The following KCNIP3 variants were observed in gnomAD, a reference collection of about 807,000 sequenced individuals.
KCNIP3 encodes potassium voltage-gated channel interacting protein 3.
Under a neutral mutation model 35.0 loss-of-function variants are expected in KCNIP3, and 28 were observed. The ratio of observed to expected loss-of-function variants is 0.80; its 90% CI spans 0.59 to 1.10. The LOEUF is 1.10. KCNIP3 is among the 50% of genes least tolerant of loss of function. The pLI is 0.00. For synonymous variants in KCNIP3, 134 were observed against 133.8 expected (o/e 1.00, Z -0.01); for missense variants, 295 against 338.4 (o/e 0.87, Z 1.01).
At chr2:95,379,134 A>G (rs559094359) in intron 5 of KCNIP3, among the ~76,000 whole-genome samples, 1 of 150,348 alleles carries the variant, frequency 6.7e-6, no homozygotes, top group South Asian at 2.1e-4. Context: ...CCAGCCCCCC[A>G]CCCATCCCCC....
At chr2:95,341,279 C>T (rs757454701) in intron 2 of KCNIP3, among the ~76,000 whole-genome samples, 39 of 152,300 alleles carry the variant, frequency 2.6e-4, no homozygotes, top group Non-Finnish European at 3.7e-4. Context: ...GCTCCTGCCA[C>T]GTGAGATGTG....
At chr2:95,354,573 C>T (rs1679607766) in intron 2 of KCNIP3, among the ~76,000 whole-genome samples, 2 of 152,102 alleles carry the variant, frequency 1.3e-5, no homozygotes, top group Admixed American at 1.3e-4. Flanking sequence ...CAGGGTCTGG[C>T]CCACTGCCCT....
chr2:95,322,070 G>A (rs889909238), intron 2 of KCNIP3, among the ~76,000 whole-genome samples: 1 of 152,072 alleles, frequency 6.6e-6, no homozygotes, highest in African/African-American at 2.4e-5. Context: ...ATGGCCATAA[G>A]AATAATGAGG....
At position 95,384,121 on chromosome 2, in the gene KCNIP3, C is replaced by T; in HGVS notation, c.*72C>T. On this transcript the variant is annotated 3_prime_UTR_variant, in exon 9 of 9. Coordinates refer to ENST00000295225, the MANE Select transcript of KCNIP3 (RefSeq NM_013434.5). The stretch of plus-strand genomic sequence containing the variant: ...AAACCTCCATCCTGCCAGGAGCAGC[C>T]TCCAAGAAACTTTTAAAAAATAGAT... 1 of 1,384,772 alleles carries T rather than the reference C, an allele frequency of 7.2e-7. No homozygotes were observed. Among genetic ancestry groups the T allele is most frequent in the South Asian group, 1.2e-5 (1 of 86,308 alleles). The allele number at this position is 1,384,772 out of a possible 1,614,324, so 85.8% of individuals were successfully genotyped here.
At chr2:95,343,888 C>T (rs1679279429) in intron 2 of KCNIP3, among the ~76,000 whole-genome samples, 1 of 151,990 alleles carries the variant, frequency 6.6e-6, no homozygotes, top group Admixed American at 6.6e-5. Context: ...TGGAGTGACC[C>T]CCCACCCCGA....
intron 2 of KCNIP3, among the ~76,000 whole-genome samples, chr2:95,353,681 G>A (rs1406464967): frequency 1.3e-5 from 2 of 152,170 alleles, no homozygotes; most frequent in Non-Finnish European, 2.9e-5. Context: ...GGGAGGGCAA[G>A]CAGAAGTGGG....
rs1480906022 is a variant in KCNIP3 at position 95,382,433 on chromosome 2, C to T, written c.612C>T (p.Pro204=). 6.2e-7 allele frequency: 1 copy of T among 1,609,958 alleles called. No individual in the cohort carries two copies. Among genetic ancestry groups the T allele is most frequent in the South Asian group, 1.1e-5 (1 of 90,704 alleles). The change falls in exon 7 of 9, where the codon CCC becomes CCT. Residue 204 remains proline (P), a synonymous_variant. Transcript: ENST00000295225. This position sits in a 1 kb window ranked among gnomAD's most constrained non-coding sequence, Gnocchi z 4.5. ...ACATGATGGGCCGCCACACCTACCC[C>T]ATCCTGCGGGAGGACGCGCCGGCGG... ...IYDMMGRHTY[P]ILREDAPAEH...
intron 2 of KCNIP3, among the ~76,000 whole-genome samples, chr2:95,356,331 G>A (rs551766605): frequency 1.2e-4 from 18 of 152,064 alleles, no homozygotes; most frequent in African/African-American, 2.2e-4. Context: ...TTATTTTGTC[G>A]TGCAGAAGCT....
intron 2 of KCNIP3, among the ~76,000 whole-genome samples, chr2:95,348,464 G>A (rs1051799361): frequency 7.2e-5 from 11 of 152,150 alleles, no homozygotes; most frequent in Non-Finnish European, 1.0e-4. Context: ...GGGCGTGGGG[G>A]GTGGCTGGTG....
intron 2 of KCNIP3, among the ~76,000 whole-genome samples, chr2:95,323,061 G>C (rs1346870598): frequency 6.6e-6 from 1 of 152,226 alleles, no homozygotes; most frequent in Non-Finnish European, 1.5e-5. Flanking sequence ...CTCCCCCATT[G>C]CCTGCCTCCT....
rs1431254039 is a variant in KCNIP3 at position 95,324,052 on chromosome 2, C to T, written c.181+13532C>T. Among the ~76,000 whole-genome samples the T allele has an allele frequency of 5.3e-5, 8 of 152,356 alleles. No individual in the cohort carries two copies. In the East Asian group the frequency reaches 9.6e-4, roughly 18 times the overall value. ...GCCACTGCCTTGGAATCCCCACCCA[C>T]GCAGATAGACCGGGGCTCCCCACCT... On this transcript the variant is annotated intron_variant, in intron 2 of 8. Transcript: ENST00000295225.
chr2:95,326,164 CAT>C (rs1223648897), intron 2 of KCNIP3, among the ~76,000 whole-genome samples: 17 of 151,780 alleles, frequency 1.1e-4, no homozygotes, highest in African/African-American at 2.7e-4. Flanking sequence ...TATACGCACT[CAT>C]ATACACATAT....
At chr2:95,360,698 C>G (rs1210093414) in intron 2 of KCNIP3, among the ~76,000 whole-genome samples, 1 of 152,114 alleles carries the variant, frequency 6.6e-6, no homozygotes, top group Admixed American at 6.5e-5. Flanking sequence ...TGGGGATGGC[C>G]TTCTTACTGA....
intron 2 of KCNIP3, among the ~76,000 whole-genome samples, chr2:95,370,700 A>C (rs1306754757): frequency 2.0e-5 from 3 of 152,022 alleles, no homozygotes; most frequent in African/African-American, 7.3e-5. Context: ...CCAGCCTGTG[A>C]CTTGAGTTTC....
intron 2 of KCNIP3, among the ~76,000 whole-genome samples, chr2:95,325,786 T>A (rs1286061676): frequency 7.1e-6 from 1 of 140,170 alleles, no homozygotes; most frequent in Non-Finnish European, 1.6e-5. Context: ...CACACACTCA[T>A]ACACACTCAT....
intron 2 of KCNIP3, among the ~76,000 whole-genome samples, chr2:95,321,078 GC>G (rs1439553604): frequency 7.9e-6 from 1 of 127,262 alleles, no homozygotes; most frequent in Non-Finnish European, 1.7e-5. Context: ...CTCCTCCCTG[GC>G]CCTGCCCCCC....
At chr2:95,319,047 G>C (rs1467760203) in intron 2 of KCNIP3, among the ~76,000 whole-genome samples, 2 of 152,348 alleles carry the variant, frequency 1.3e-5, no homozygotes, top group South Asian at 2.1e-4. Flanking sequence ...GCCCTGTCCT[G>C]AGTGCCTTGC....
chr2:95,382,373 C>G lies in KCNIP3; in HGVS notation c.556-4C>G. On this transcript the variant is annotated splice_polypyrimidine_tract_variant and splice_region_variant and intron_variant, in intron 6 of 8. Transcript: ENST00000295225. The surrounding 1 kb of genome is among the most constrained non-coding windows in gnomAD (Gnocchi z 4.5). ...AGCAGGCTCATGCCAGCCTCCCCCT[C>G]CAGGAGATGCTGGCCATCATGAAGT... The G allele has an allele frequency of 1.9e-6, 3 of 1,573,380 alleles. No homozygotes were observed. The highest frequency in any genetic ancestry group is 2.6e-6 in the Non-Finnish European group (3 of 1,158,384).
rs145908476 is a variant in KCNIP3 at position 95,298,286 on chromosome 2, G to A, written c.15+833G>A. 2.6e-3 allele frequency among the ~76,000 whole-genome samples: 395 copies of A among 152,316 alleles called. 1 individual carries two copies. Among genetic ancestry groups the A allele is most frequent in the African/African-American group, 8.7e-3 (363 of 41,562 alleles). ...TAACAGTGGATGGAACAAGGTTAGCGGGGTTTCTCTCTCATGCAGAAGTCC... is the reference window on the plus strand; with the variant it reads ...TAACAGTGGATGGAACAAGGTTAGCAGGGTTTCTCTCTCATGCAGAAGTCC... On this transcript the variant is annotated intron_variant, in intron 1 of 8. Transcript: ENST00000295225.
Sources: allele counts gnomAD v4.1 joint callset (sites outside exome capture counted in the v4.1 genomes callset), GRCh38; gene constraint gnomAD v4.1.1; non-coding constraint Gnocchi (gnomAD v3.1); transcripts MANE v1.5; gene names NCBI Gene and HGNC (gene_info 2026-07-23, HGNC 2026-07-21).